The following TBC1D9B variants were observed in gnomAD, a reference collection of about 807,000 sequenced individuals.
The protein encoded by TBC1D9B is TBC1 domain family, member 9B (with GRAM domain).
In TBC1D9B, 87 loss-of-function variants were observed where a neutral mutation model predicts 121.1. That is an observed-to-expected ratio of 0.72 (90% CI 0.60 to 0.86). The LOEUF (loss-of-function observed/expected upper bound fraction) is 0.86. Ranked by LOEUF, TBC1D9B falls within the 40% of genes least tolerant of loss-of-function variation. TBC1D9B has a pLI of 0.00. For synonymous variants in TBC1D9B, 668 were observed against 670.1 expected, an observed-to-expected ratio of 1.00 and a Z score of 0.05; for missense variants, 1,540 against 1,628.6, an observed-to-expected ratio of 0.95 and a Z score of 0.94.
rs536645096 is a variant in TBC1D9B at position 179,869,355 on chromosome 5, G to C, written c.2791+414C>G. On this transcript the variant is annotated intron_variant, in intron 17 of 20. Transcript: ENST00000355235. ...TACAGCACCACTGAGAGGCCAGAGA[G>C]AAGTGGCCCCTCCTCATGGCCATGT... The C allele has an allele frequency of 1.5e-3, 536 of 364,752 alleles. 2 individuals are homozygous for C. Among genetic ancestry groups the C allele is most frequent in the Non-Finnish European group, 2.3e-3 (431 of 184,152 alleles). 22.6% of individuals were successfully genotyped at this position (364,752 alleles called of 1,614,324 possible). A position where few individuals can be genotyped will look rare whatever the true frequency, so the allele number is the denominator to read the frequency against.
chr5:179,880,028 G>A, intron 7 of TBC1D9B: 1 of 583,744 alleles, frequency 1.7e-6, no homozygotes, highest in South Asian at 2.1e-5. Flanking sequence ...TCACCAGCGA[G>A]TCAGTCTCAG....
intron 7 of TBC1D9B, among the ~76,000 whole-genome samples, chr5:179,880,846 G>A (rs1439607635): frequency 2.6e-5 from 4 of 152,150 alleles, no homozygotes; most frequent in East Asian, 1.9e-4. Context: ...AAATGTTGAC[G>A]ACAAGCTGCC....
rs2113628710 is a variant in TBC1D9B, at chr5:179,885,614, T to C, written c.1254+2489A>G. 1.4e-5 allele frequency among the ~76,000 whole-genome samples: 2 copies of C among 147,392 alleles called. No individual in the cohort carries two copies. Among genetic ancestry groups the C allele is most frequent in the African/African-American group, 5.0e-5 (2 of 39,822 alleles). ...CCCCCCAAAAAAAAAAAGATGGAGG[T>C]ATTTTACGTTTTTCTTTTCATACGA... is the stretch of plus-strand genomic sequence containing the variant. On this transcript the variant is annotated intron_variant, in intron 7 of 20. Coordinates refer to ENST00000355235, the MANE Select transcript of TBC1D9B (RefSeq NM_015043.4). The surrounding 1 kb of genome is among the most constrained non-coding windows in gnomAD (Gnocchi z 4.5).
rs766172495 is a variant in TBC1D9B at position 179,863,848 on chromosome 5, C to T, written c.3302G>A (p.Gly1101Glu). The T allele has an allele frequency of 2.5e-6, 4 of 1,613,258 alleles. No individual in the cohort carries two copies. In the South Asian group the frequency reaches 3.3e-5, roughly 13 times the overall value. Residue 1101 changes from glycine (G) to glutamate (E), a missense_variant, in exon 21 of 21, where the codon GGA becomes GAA. By Grantham distance (98) the Gly-to-Glu change is moderately conservative (BLOSUM62 -2). Transcript: ENST00000355235. The surrounding 1 kb of genome is among the most constrained non-coding windows in gnomAD (Gnocchi z 4.5). ...CACCTGGCTCTCCTGTGGGGCTTTTCCGAGGTGTGTGTCTCCGCCTGCTTT... is the reference window on the plus strand; with the variant it reads ...CACCTGGCTCTCCTGTGGGGCTTTTTCGAGGTGTGTGTCTCCGCCTGCTTT... Reference protein sequence around the residue: ...QAKAGGDTHLGKAPQESQVVV... With the variant: ...QAKAGGDTHLEKAPQESQVVV...
intron 14 of TBC1D9B, 44 bp downstream of exon 14, chr5:179,872,848 G>GCCCCCCCCCCCCCCCCCCCCCCCCCC: frequency 2.1e-6 from 3 of 1,457,236 alleles, no homozygotes; most frequent in East Asian, 2.4e-5. Context: ...AGGCACTGCT[G>GCCCCCCCCCCCCCCCCCCCCCCCCCC]CCCCCCCAGC....
At chr5:179,900,626 T>C (rs1369230795) in intron 2 of TBC1D9B, among the ~76,000 whole-genome samples, 3 of 152,308 alleles carry the variant, frequency 2.0e-5, no homozygotes, top group Admixed American at 6.5e-5. Flanking sequence ...AATCACACTC[T>C]TGTCGACTGA....
intron 1 of TBC1D9B, among the ~76,000 whole-genome samples, chr5:179,905,390 G>A (rs959273411): frequency 6.6e-6 from 1 of 152,164 alleles, no homozygotes; most frequent in African/African-American, 2.4e-5. Flanking sequence ...CCTTTGCCAT[G>A]ACTCACTGAT....
chr5:179,890,235 G>A lies in TBC1D9B; in HGVS notation c.1044+1144C>T, dbSNP rs1561644333. On this transcript the variant is annotated intron_variant, in intron 6 of 20. Coordinates refer to ENST00000355235, the MANE Select transcript of TBC1D9B (RefSeq NM_015043.4). This position sits in a 1 kb window ranked among gnomAD's most constrained non-coding sequence, Gnocchi z 5.0. ...AGGGGTCAGCGCTGGCTGGGCAGGC[G>A]GCCCCCACCCTGACCAGCTGCAGAG... 1.3e-5 allele frequency among the ~76,000 whole-genome samples: 2 copies of A among 152,154 alleles called. No homozygotes were observed. The highest frequency in any genetic ancestry group is 1.9e-4 in the East Asian group (1 of 5,198).
intron 20 of TBC1D9B, among the ~76,000 whole-genome samples, chr5:179,864,464 G>A (rs552910492): frequency 8.5e-5 from 13 of 152,272 alleles, no homozygotes; most frequent in African/African-American, 1.4e-4. Flanking sequence ...CAAGGACTTC[G>A]TTGTGTTTTA....
chr5:179,870,248 C>A lies in TBC1D9B; in HGVS notation c.2725+7G>T. 6.2e-7 allele frequency: 1 copy of A among 1,613,688 alleles called. No individual in the cohort carries two copies. Among genetic ancestry groups the A allele is most frequent in the Non-Finnish European group, 8.5e-7 (1 of 1,179,944 alleles). ...TCAAGCCCCTGGTAGGCCCTGCAGGCACTCACTCATCCCTGTCACGAACTC... is the reference window on the plus strand; with the variant it reads ...TCAAGCCCCTGGTAGGCCCTGCAGGAACTCACTCATCCCTGTCACGAACTC... On this transcript the variant is annotated splice_region_variant and intron_variant, in intron 16 of 20. Transcript: ENST00000355235.
intron 2 of TBC1D9B, among the ~76,000 whole-genome samples, chr5:179,901,266 A>G (rs1453306221): frequency 1.1e-4 from 16 of 151,918 alleles, no homozygotes; most frequent in Admixed American, 1.0e-3. Context: ...TTGCATTTCT[A>G]TTACAGCCTC....
intron 10 of TBC1D9B, among the ~76,000 whole-genome samples, chr5:179,876,655 TAAC>T (rs1760368539): frequency 6.6e-6 from 1 of 152,214 alleles, no homozygotes; most frequent in African/African-American, 2.4e-5. Flanking sequence ...CCCATCACTC[TAAC>T]AACAACAGAA....
Position 179,878,383 on chromosome 5 carries a change from C to T in TBC1D9B, c.1708G>A (p.Glu570Lys), listed in dbSNP as rs1385241040. The change falls in exon 10 of 21, where the codon GAG (glutamate) becomes AAG (lysine). Residue 570 changes from glutamate (E) to lysine (K), a missense_variant. Physicochemically the swap from Glu to Lys is moderately conservative, Grantham distance 56. Coordinates refer to ENST00000355235, the MANE Select transcript of TBC1D9B (RefSeq NM_015043.4). ...CGCCGGAGGGCAGCAATCCCCAGCT[C>T]GTTCTGGAAGGCAGGGTGCTCGGGC... ...SMPEHPAFQN[E>K]LGIAALRRVL... 2.3e-5 allele frequency: 37 copies of T among 1,613,848 alleles called. No homozygotes were observed. Among genetic ancestry groups the T allele is most frequent in the Non-Finnish European group, 2.8e-5 (33 of 1,179,984 alleles).
At position 179,863,650 on chromosome 5, in the gene TBC1D9B, G is replaced by A. The variant is rs1237164470; in HGVS notation, c.3500C>T (p.Pro1167Leu). ...GACGGTGCCGCCGATGCGCGCTGTG[G>A]GGCTGCAGGCCTCCCCGCCCACCAG... ...TVLVGGEACS[P>L]TARIGGTVDT... Residue 1167 changes from proline (P) to leucine (L), a missense_variant, in exon 21 of 21, where the codon CCC becomes CTC. Coordinates refer to ENST00000355235, the MANE Select transcript of TBC1D9B (RefSeq NM_015043.4). The surrounding 1 kb of genome is among the most constrained non-coding windows in gnomAD (Gnocchi z 4.5). The A allele has an allele frequency of 3.1e-6, 5 of 1,613,832 alleles. No individual in the cohort carries two copies. Among genetic ancestry groups the A allele is most frequent in the Non-Finnish European group, 4.2e-6 (5 of 1,180,034 alleles).
chr5:179,881,157 C>T (rs148579296), intron 7 of TBC1D9B, among the ~76,000 whole-genome samples: 2,613 of 152,298 alleles, frequency 0.017, 71 homozygotes, highest in African/African-American at 0.06. Context: ...AGGCGGCTTT[C>T]GGCAGAAGCT....
rs187357596 is a variant in TBC1D9B, at chr5:179,871,335, T to G, written c.2484+127A>C. Reference sequence around the variant, plus strand: ...CTGCATCTGAGGATGCACTTAGATCTGTTTCTGTTTTTCTATTCTATTCCC... The same window carrying G: ...CTGCATCTGAGGATGCACTTAGATCGGTTTCTGTTTTTCTATTCTATTCCC... On this transcript the variant is annotated intron_variant, in intron 15 of 20. Transcript: ENST00000355235. The G allele has an allele frequency of 2.5e-3, 2,306 of 929,892 alleles. 15 individuals are homozygous for G. The highest frequency in any genetic ancestry group is 3.3e-3 in the Middle Eastern group (11 of 3,300). 57.6% of individuals were successfully genotyped at this position (929,892 alleles called of 1,614,324 possible).
At position 179,876,011 on chromosome 5, in the gene TBC1D9B, G is replaced by C; in HGVS notation, c.1809C>G (p.Leu603=). 1.2e-6 allele frequency: 2 copies of C among 1,612,776 alleles called. No individual in the cohort carries two copies. The highest frequency in any genetic ancestry group is 2.2e-5 in the South Asian group (2 of 90,780). Residue 603 remains leucine (L), a synonymous_variant, in exon 11 of 21, where the codon CTC becomes CTG. Transcript: ENST00000355235. ...CCTCCTCCTCACTGCCATAGAGCAG[G>C]AGCACCGAGGTCACGATGTTCATTG... ...CQAMNIVTSV[L]LLYGSEEEAF... is the part of the protein sequence containing the mutation.
In TBC1D9B at chr5:179,863,742, G is replaced by A. The variant is rs1263067202; in HGVS notation, c.3408C>T (p.Ser1136=). ...TGCTGACCACCGAGTAGGAGGACAT[G>A]GACATGTCGTCTTTGGTTTCATCGT... ...LSDDETKDDM[S]MSSYSVVSTG... The change falls in exon 21 of 21, where the codon TCC becomes TCT. Residue 1136 remains serine (S), a synonymous_variant. Transcript: ENST00000355235. This position sits in a 1 kb window ranked among gnomAD's most constrained non-coding sequence, Gnocchi z 4.5. 6.2e-7 allele frequency: 1 copy of A among 1,613,546 alleles called. No homozygotes were observed. The highest frequency in any genetic ancestry group is 8.5e-7 in the Non-Finnish European group (1 of 1,180,034).
chr5:179,899,089 A>G lies in TBC1D9B; in HGVS notation c.348+100T>C, dbSNP rs112027315. On this transcript the variant is annotated intron_variant, in intron 3 of 20. Coordinates refer to ENST00000355235, the MANE Select transcript of TBC1D9B (RefSeq NM_015043.4). Reference sequence around the variant, plus strand: ...ACACTTCAGTCTCCACCTTTGTAAAATGGGGACGCACCCTACATCGTGAAG... The same window carrying G: ...ACACTTCAGTCTCCACCTTTGTAAAGTGGGGACGCACCCTACATCGTGAAG... 105 of 957,324 alleles carry G rather than the reference A, an allele frequency of 1.1e-4. 2 individuals carry two copies. In the African/African-American group the frequency reaches 1.4e-3, roughly 12 times the overall value. 59.3% of individuals were successfully genotyped at this position (957,324 alleles called of 1,614,324 possible).
Sources: gnomAD v4.1 joint callset for allele counts (sites outside exome capture counted in the v4.1 genomes callset) on GRCh38, gnomAD v4.1.1 for gene constraint, Gnocchi (gnomAD v3.1) non-coding constraint, MANE v1.5 for transcripts, NCBI Gene and HGNC (gene_info 2026-07-23, HGNC 2026-07-21) for gene names.